MYO16: variants seen among roughly 807,000 people sequenced by gnomAD.
MYO16 encodes unconventional myosin-XVI.
A neutral mutation model predicts 205.3 loss-of-function variants in MYO16; 94 were observed. The ratio of observed to expected loss-of-function variants is 0.46; its 90% confidence interval spans 0.39 to 0.54. MYO16 has a LOEUF of 0.54. Ranked by LOEUF, MYO16 falls within the 20% of genes least tolerant of loss-of-function variation. MYO16 has a pLI of 0.00. For missense variants in MYO16, 2,315 were observed against 2,387.5 expected (o/e 0.97, Z 0.63); for synonymous variants, 988 against 954.0 (o/e 1.04, Z -0.66).
intron 23 of MYO16, among the ~76,000 whole-genome samples, chr13:109,042,652 C>G (rs1194085223): frequency 1.3e-5 from 2 of 152,158 alleles, no homozygotes. Context: ...TTGTGTTCAT[C>G]TGTCAACTCA....
At chr13:109,048,459 C>G in intron 24 of MYO16, 1 of 563,572 alleles carries the variant, frequency 1.8e-6, no homozygotes, top group Non-Finnish European at 3.3e-6. Context: ...ACCTTGTGCA[C>G]CATAAGATCC....
At chr13:108,558,304 C>T in the MYO16 span, among the ~76,000 whole-genome samples, 1 of 152,136 alleles carries the variant, frequency 6.6e-6, no homozygotes, top group African/African-American at 2.4e-5. Context: ...CTGAATTTTG[C>T]CTTGGGAAAT....
the MYO16 span, among the ~76,000 whole-genome samples, chr13:108,532,121 G>T: frequency 1.3e-5 from 2 of 151,914 alleles, no homozygotes; most frequent in African/African-American, 2.4e-5. Context: ...CAGGAGAATC[G>T]CTTGAACCCA....
intron 1 of MYO16, among the ~76,000 whole-genome samples, chr13:108,606,945 T>G (rs1302679657): frequency 6.6e-6 from 1 of 152,222 alleles, no homozygotes; most frequent in Non-Finnish European, 1.5e-5. Flanking sequence ...ATGTGAGACA[T>G]GGAGTCAAAG....
rs1887742773 is a variant in MYO16 at position 109,066,183 on chromosome 13, A to G, written c.3335+10588A>G. Among the ~76,000 whole-genome samples, 6 of 152,212 alleles carry G rather than the reference A, an allele frequency of 3.9e-5. No individual in the cohort carries two copies. In the South Asian group the frequency reaches 1.2e-3, roughly 32 times the overall value. On this transcript the variant is annotated intron_variant, in intron 27 of 34. Coordinates refer to ENST00000457511, the MANE Select transcript of MYO16 (RefSeq NM_001198950.3). ...GGATTAAAGCTAACGGACAGTGGCT[A>G]CCCAATGAGGCAGACCCTCGCTAGA...
intron 21 of MYO16, among the ~76,000 whole-genome samples, chr13:108,995,052 CA>C (rs1245947440): frequency 6.6e-6 from 1 of 152,182 alleles, no homozygotes; most frequent in Non-Finnish European, 1.5e-5. Context: ...ATTCTGATCG[CA>C]TTTTCTCTGA....
chr13:108,966,275 A>G (rs908687450), intron 20 of MYO16, among the ~76,000 whole-genome samples: 126 of 152,366 alleles, frequency 8.3e-4, no homozygotes, highest in African/African-American at 3.0e-3. Context: ...TGATACTAAT[A>G]TGCTAAATCT....
Position 108,823,150 on chromosome 13 carries a change from G to C in MYO16, c.969G>C (p.Glu323Asp). Residue 323 changes from glutamate (E) to aspartate (D), a missense_variant, in exon 9 of 35, where the codon GAG (glutamate) becomes GAC (aspartate). Glu to Asp is a conservative substitution (Grantham distance 45, BLOSUM62 2). Transcript: ENST00000457511. ...ATATTGCTGCCTCTGAGTTTATTGA[G>C]GAAATGCTGCTGAAAGCCGAAATTG... ...ASDIAASEFI[E>D]EMLLKAEIAW... The C allele has an allele frequency of 6.2e-7, 1 of 1,611,220 alleles. No individual in the cohort carries two copies. The highest frequency in any genetic ancestry group is 8.5e-7 in the Non-Finnish European group (1 of 1,179,266).
intron 23 of MYO16, among the ~76,000 whole-genome samples, chr13:109,027,170 AT>A (rs1368461305): frequency 6.6e-6 from 1 of 152,158 alleles, no homozygotes; most frequent in Non-Finnish European, 1.5e-5. Flanking sequence ...AGCCATTGGC[AT>A]TCCTGCCTTA....
chr13:108,664,882 G>A (rs545570538), intron 1 of MYO16, among the ~76,000 whole-genome samples: 243 of 152,212 alleles, frequency 1.6e-3, no homozygotes, highest in African/African-American at 5.4e-3. Flanking sequence ...TTTCAGAAAT[G>A]GGAATTCACT....
intron 27 of MYO16, among the ~76,000 whole-genome samples, chr13:109,081,566 C>T (rs369706644): frequency 1.6e-4 from 24 of 152,168 alleles, no homozygotes; most frequent in East Asian, 1.4e-3. Flanking sequence ...TAAGTGCTCC[C>T]GCAGGGGCCT....
Position 108,957,790 on chromosome 13 carries a change from C to T in MYO16, c.2028C>T (p.Phe676=), listed in dbSNP as rs768368069. Reference sequence around the variant, plus strand: ...AACGAGCCCTGAATGTAGTTGGCTTCAGCAGCTTGGTGAGTCATGTCATAA... The same window carrying T: ...AACGAGCCCTGAATGTAGTTGGCTTTAGCAGCTTGGTGAGTCATGTCATAA... ...VLKRALNVVG[F]SSLEVENLFV... Residue 676 remains phenylalanine, a synonymous_variant, in exon 17 of 35, where the codon TTC becomes TTT. Coordinates refer to ENST00000457511, the MANE Select transcript of MYO16 (RefSeq NM_001198950.3). 71 of 1,612,530 alleles carry T rather than the reference C, an allele frequency of 4.4e-5. No homozygotes were observed. The highest frequency in any genetic ancestry group is 5.4e-5 in the Non-Finnish European group (64 of 1,178,742).
chr13:108,679,898 C>T (rs765353047), intron 2 of MYO16, among the ~76,000 whole-genome samples: 13 of 152,066 alleles, frequency 8.5e-5, no homozygotes, highest in Non-Finnish European at 2.9e-5. Flanking sequence ...CTCACACCAG[C>T]ACTTCCCACT....
intron 4 of MYO16, among the ~76,000 whole-genome samples, chr13:108,742,879 C>G (rs1299083383): frequency 1.3e-5 from 2 of 152,186 alleles, no homozygotes; most frequent in African/African-American, 4.8e-5. Flanking sequence ...TATTTTGGAT[C>G]ATGTGGTTTT....
At chr13:109,185,916 G>A (rs985514516) in intron 34 of MYO16, among the ~76,000 whole-genome samples, 1 of 152,114 alleles carries the variant, frequency 6.6e-6, no homozygotes, top group Non-Finnish European at 1.5e-5. Flanking sequence ...AGATTATTCT[G>A]CAAACAGCTT....
intron 2 of MYO16, among the ~76,000 whole-genome samples, chr13:108,699,507 A>G (rs779447892): frequency 4.6e-5 from 7 of 152,190 alleles, no homozygotes; most frequent in Non-Finnish European, 8.8e-5. Context: ...AGAGAAAATA[A>G]GAAGGGAAGC....
intron 33 of MYO16, among the ~76,000 whole-genome samples, chr13:109,173,911 A>G (rs1486701205): frequency 7.2e-6 from 1 of 139,764 alleles, no homozygotes; most frequent in Non-Finnish European, 1.5e-5. Flanking sequence ...AAAAAAAAAA[A>G]AAAGAGTATC....
At chr13:108,780,466 GAGGA>G (rs61090462) in intron 4 of MYO16, among the ~76,000 whole-genome samples, 5,023 of 151,952 alleles carry the variant, frequency 0.033, 240 homozygotes, top group East Asian at 0.23. Context: ...AAAAGAAAGA[GAGGA>G]AGGAAGGAAG....
chr13:108,804,872 G>T (rs958960001), intron 6 of MYO16, among the ~76,000 whole-genome samples: 1 of 152,130 alleles, frequency 6.6e-6, no homozygotes, highest in African/African-American at 2.4e-5. Context: ...GTGGTAAGTG[G>T]CCCAGGGTTG....
Sources: allele counts gnomAD v4.1 joint callset (sites outside exome capture counted in the v4.1 genomes callset), GRCh38; gene constraint gnomAD v4.1.1; transcripts MANE v1.5; gene names NCBI Gene and HGNC (gene_info 2026-07-23, HGNC 2026-07-21).